ST6GAL1: variants seen among roughly 807,000 people sequenced by gnomAD.
ST6GAL1 encodes ST6 beta-galactoside alpha-2,6-sialyltransferase 1.
A neutral mutation model predicts 38.0 loss-of-function variants in ST6GAL1; 20 were observed. That is an observed-to-expected ratio of 0.53 (90% CI 0.37 to 0.77). The LOEUF is 0.77. Ranked by LOEUF, ST6GAL1 falls within the 30% of genes least tolerant of loss-of-function variation. The pLI, the probability that ST6GAL1 is intolerant of heterozygous loss-of-function variation, is 0.00. For synonymous variants in ST6GAL1, 196 were observed against 188.2 expected (o/e 1.04, Z -0.34); for missense variants, 432 against 496.4 (o/e 0.87, Z 1.23).
At chr3:186,987,161 G>T (rs1715956868) in intron 2 of ST6GAL1, among the ~76,000 whole-genome samples, 1 of 102,818 alleles carries the variant, frequency 9.7e-6, no homozygotes, top group Admixed American at 1.5e-4. Context: ...AGGGAGGGAG[G>T]AAGAAAGAGA....
intron 2 of ST6GAL1, among the ~76,000 whole-genome samples, chr3:187,038,171 A>G (rs1015853908): frequency 2.1e-5 from 3 of 141,546 alleles, no homozygotes; most frequent in Admixed American, 7.0e-5. Flanking sequence ...TTTCTAGCCC[A>G]TTCTTATCTG....
chr3:187,027,359 C>G (rs1358884057), intron 2 of ST6GAL1, among the ~76,000 whole-genome samples: 1 of 152,138 alleles, frequency 6.6e-6, no homozygotes, highest in Non-Finnish European at 1.5e-5. Context: ...AATTAATTAC[C>G]TGGGGTGCTT....
intron 2 of ST6GAL1, among the ~76,000 whole-genome samples, chr3:187,013,652 T>C (rs111588423): frequency 0.012 from 1,771 of 152,316 alleles, 26 homozygotes; most frequent in African/African-American, 0.041. Context: ...TGATGCAATC[T>C]CAGCTCACTG....
intron 4 of ST6GAL1, among the ~76,000 whole-genome samples, chr3:187,046,546 G>GGGATAAGCA (rs11280596): frequency 0.74 from 112,353 of 151,598 alleles, 42,787 homozygotes; most frequent in African/African-American, 0.92. Flanking sequence ...GAAAAGAACA[G>GGGATAAGCA]GGAAAAGTCA....
At chr3:187,027,608 C>G (rs894467075) in intron 2 of ST6GAL1, among the ~76,000 whole-genome samples, 4 of 152,014 alleles carry the variant, frequency 2.6e-5, no homozygotes, top group African/African-American at 9.7e-5. Context: ...CCCTTCTTGC[C>G]CCGTCTTCTT....
chr3:187,022,204 G>C (rs1717339128), intron 2 of ST6GAL1, among the ~76,000 whole-genome samples: 1 of 152,246 alleles, frequency 6.6e-6, no homozygotes, highest in Admixed American at 6.5e-5. Context: ...GATAGTGTTG[G>C]AACTGAATTA....
intron 1 of ST6GAL1, among the ~76,000 whole-genome samples, chr3:186,943,319 G>C (rs982351249): frequency 1.3e-5 from 2 of 152,324 alleles, no homozygotes; most frequent in African/African-American, 2.4e-5. Context: ...GGAAACACTA[G>C]CAGGTTGATA....
intron 1 of ST6GAL1, among the ~76,000 whole-genome samples, chr3:186,949,918 A>G (rs1398929850): frequency 3.3e-5 from 5 of 152,218 alleles, no homozygotes; most frequent in East Asian, 3.8e-4. Flanking sequence ...TTGGAGACCA[A>G]TAAATCGTGG....
intron 2 of ST6GAL1, among the ~76,000 whole-genome samples, chr3:186,995,623 C>T (rs1282103330): frequency 6.6e-6 from 1 of 151,664 alleles, no homozygotes; most frequent in Admixed American, 6.6e-5. Context: ...GTGGGTGGAT[C>T]ACCTGAGGTC....
chr3:186,996,704 G>T (rs1716421386), intron 2 of ST6GAL1: 1 of 152,128 alleles, frequency 6.6e-6, no homozygotes, highest in Non-Finnish European at 1.5e-5. Context: ...CATCTCATAG[G>T]TGGCCCACTG....
In ST6GAL1 at chr3:186,952,568, G is replaced by C. The variant is rs904693924; in HGVS notation, c.-324-11217G>C. 6.6e-6 allele frequency among the ~76,000 whole-genome samples: 1 copy of C among 151,738 alleles called. No individual in the cohort carries two copies. Among genetic ancestry groups the C allele is most frequent in the Non-Finnish European group, 1.5e-5 (1 of 67,930 alleles). On this transcript the variant is annotated intron_variant, in intron 1 of 7. Coordinates refer to ENST00000169298, the MANE Select transcript of ST6GAL1 (RefSeq NM_173216.2). The surrounding 1 kb of genome is among the most constrained non-coding windows in gnomAD (Gnocchi z 4.1). The stretch of plus-strand genomic sequence containing the variant: ...TACCCAGGCTGGAGTGCAGTGGCGC[G>C]ATCTCAGCTCACTGCAACCTCCGCC...
intron 2 of ST6GAL1, among the ~76,000 whole-genome samples, chr3:187,016,518 C>T (rs1042859314): frequency 6.6e-6 from 1 of 152,024 alleles, no homozygotes; most frequent in Non-Finnish European, 1.5e-5. Flanking sequence ...CTTTGGGGAC[C>T]TAAAGTGAAG....
chr3:186,986,967 C>G (rs570169505), intron 2 of ST6GAL1, among the ~76,000 whole-genome samples: 1 of 97,290 alleles, frequency 1.0e-5, no homozygotes, highest in Non-Finnish European at 2.2e-5. Context: ...GGTTTTCTTT[C>G]TTTCCTTTTA....
chr3:187,001,740 G>A (rs1716623852), intron 2 of ST6GAL1, among the ~76,000 whole-genome samples: 1 of 152,090 alleles, frequency 6.6e-6, no homozygotes, highest in Non-Finnish European at 1.5e-5. Flanking sequence ...GGCAGATCAC[G>A]AGGTCAGGAG....
At chr3:186,968,295 A>C (rs1172977780) in intron 2 of ST6GAL1, among the ~76,000 whole-genome samples, 1 of 152,194 alleles carries the variant, frequency 6.6e-6, no homozygotes, top group Admixed American at 6.5e-5. Context: ...TATTTATATA[A>C]AGTTTTTTCC....
At chr3:187,005,406 G>T (rs181294160) in intron 2 of ST6GAL1, among the ~76,000 whole-genome samples, 25 of 151,758 alleles carry the variant, frequency 1.6e-4, no homozygotes, top group Admixed American at 1.5e-3. Flanking sequence ...CTCCCCGGTA[G>T]CTGGGACTAC....
intron 2 of ST6GAL1, among the ~76,000 whole-genome samples, chr3:186,988,937 C>CA (rs924191061): frequency 6.6e-6 from 1 of 152,048 alleles, no homozygotes; most frequent in Non-Finnish European, 1.5e-5. Flanking sequence ...AAAACCAAAC[C>CA]AAACCAAACC....
intron 2 of ST6GAL1, among the ~76,000 whole-genome samples, chr3:186,990,600 C>T (rs534895557): frequency 1.3e-4 from 19 of 151,734 alleles, no homozygotes; most frequent in South Asian, 4.2e-4. Context: ...CAACCCCAGC[C>T]GCCTTCTCCC....
rs183306855 is a variant in ST6GAL1, at chr3:186,990,737, C to T, written c.-183+26811C>T. On this transcript the variant is annotated intron_variant, in intron 2 of 7. Coordinates refer to ENST00000169298, the MANE Select transcript of ST6GAL1 (RefSeq NM_173216.2). Reference sequence around the variant, plus strand: ...AGAAAGCAGGAGAATCGCTTGAACCCGGGAGGCAGAGGTTGCAGTGAGCCG... The same window carrying T: ...AGAAAGCAGGAGAATCGCTTGAACCTGGGAGGCAGAGGTTGCAGTGAGCCG... Among the ~76,000 whole-genome samples the T allele has an allele frequency of 1.4e-4, 21 of 151,164 alleles. No individual in the cohort carries two copies. The East Asian group carries it at 3.1e-3, about 22-fold the overall frequency.
Sources: gnomAD v4.1 joint callset for allele counts (sites outside exome capture counted in the v4.1 genomes callset) on GRCh38, gnomAD v4.1.1 for gene constraint, Gnocchi (gnomAD v3.1) non-coding constraint, MANE v1.5 for transcripts, NCBI Gene and HGNC (gene_info 2026-07-23, HGNC 2026-07-21) for gene names.